Variants in METTL21C observed in about 807,000 individuals in gnomAD.
The protein encoded by METTL21C is methyltransferase 21C, AARS1 lysine.
Under a neutral mutation model 25.9 loss-of-function variants are expected in METTL21C, and 21 were observed. That is an observed-to-expected ratio of 0.81 (90% CI 0.58 to 1.17). The LOEUF is 1.17. Among genes scored for constraint, METTL21C ranks in the 50% most tolerant of loss-of-function variants. The pLI, the probability that METTL21C is intolerant of heterozygous loss-of-function variation, is 0.00. For synonymous variants in METTL21C, 125 were observed against 124.7 expected (o/e 1.00, Z -0.01); for missense variants, 312 against 315.1 (o/e 0.99, Z 0.07).
upstream of METTL21C, among the ~76,000 whole-genome samples, chr13:102,699,046 A>G (rs961988040): frequency 1.3e-5 from 2 of 152,154 alleles, no homozygotes; most frequent in Admixed American, 6.5e-5. Flanking sequence ...GTTCACCCCT[A>G]TAGTCAGGGC....
At chr13:102,696,741 T>G (rs868110908), upstream of METTL21C, among the ~76,000 whole-genome samples, 1 of 152,114 alleles carries the variant, frequency 6.6e-6, no homozygotes, top group South Asian at 2.1e-4. Context: ...CAATTCTTGT[T>G]TGCAGGTGTG....
chr13:102,686,530 T>G, intron 3 of METTL21C, 105 bp from the exon 4 acceptor site: 6 of 1,331,774 alleles, frequency 4.5e-6, no homozygotes, highest in Non-Finnish European at 6.1e-6. Context: ...GCCTTGGCTC[T>G]ATTGGTGGGT....
intron 1 of METTL21C, among the ~76,000 whole-genome samples, chr13:102,693,555 T>A (rs1213633818): frequency 6.6e-6 from 1 of 152,234 alleles, no homozygotes; most frequent in Non-Finnish European, 1.5e-5. Flanking sequence ...GAATGGCTCA[T>A]CATTTCACAG....
At chr13:102,689,424 G>A (rs561280785) in intron 2 of METTL21C, among the ~76,000 whole-genome samples, 39 of 152,318 alleles carry the variant, frequency 2.6e-4, no homozygotes, top group Middle Eastern at 3.4e-3. Context: ...AGTGAAGGTC[G>A]ACACCTAAGA....
chr13:102,687,021 C>T lies in METTL21C; in HGVS notation c.319G>A (p.Glu107Lys), dbSNP rs780425872. The T allele has an allele frequency of 4.9e-5, 79 of 1,613,960 alleles. No homozygotes were observed. In the Middle Eastern group the frequency reaches 3.3e-3, roughly 67 times the overall value. ...ALCQYLEEHAEELNFQDAKIL... is the reference protein window; with the variant it reads ...ALCQYLEEHAKELNFQDAKIL... The stretch of plus-strand genomic sequence containing the variant: ...TTTGCATCTTGGAAATTCAATTCCT[C>T]GGCATGTTCCTCCAAGTATTGACAC... The change falls in exon 3 of 4, where the codon GAG (glutamate) becomes AAG (lysine). Residue 107 changes from glutamate to lysine, a missense_variant. Transcript: ENST00000267273.
At chr13:102,701,889 G>T in the METTL21C span, among the ~76,000 whole-genome samples, 1 of 152,168 alleles carries the variant, frequency 6.6e-6, no homozygotes, top group African/African-American at 2.4e-5. Flanking sequence ...ACTTCGGCAG[G>T]GCCCAGTGGC....
At position 102,694,892 on chromosome 13, in the gene METTL21C, T is replaced by A. The variant is rs1172103976; in HGVS notation, c.-394A>T. ...CTCTCTTTCTCTCTCTCTCTCTCTC[T>A]CTCTCTCTCACACACACACACACAC... On this transcript the variant is annotated 5_prime_UTR_variant, in exon 1 of 4. Transcript: ENST00000267273. Among the ~76,000 whole-genome samples the A allele has an allele frequency of 6.8e-4, 97 of 142,464 alleles. No individual in the cohort carries two copies. Among genetic ancestry groups the A allele is most frequent in the African/African-American group, 2.4e-3 (91 of 37,850 alleles). The allele number at this position is 142,464 out of a possible 152,430, so 93.5% of individuals were successfully genotyped here.
the METTL21C span, among the ~76,000 whole-genome samples, chr13:102,700,462 TG>T: frequency 6.6e-6 from 1 of 152,214 alleles, no homozygotes; most frequent in Non-Finnish European, 1.5e-5. Context: ...TGCAACTATG[TG>T]TAAATCACAA....
In METTL21C at chr13:102,686,052, C is replaced by A; in HGVS notation, c.774G>T (p.Lys258Asn). The A allele has an allele frequency of 6.3e-7, 1 of 1,588,528 alleles. No homozygotes were observed. The highest frequency in any genetic ancestry group is 1.1e-5 in the South Asian group (1 of 87,346). ...GGATTTAGTCCCATTTTAGTATCCC[C>A]TTAAAAAGTTTGACTGATGACTCTG... ...EYPESSVKLF[K>N]GILKWD Residue 258 changes from lysine (K) to asparagine (N), a missense_variant, in exon 4 of 4, where the codon AAG becomes AAT. Lys to Asn is a moderately conservative substitution (Grantham distance 94). Transcript: ENST00000267273.
At chr13:102,697,435 A>C (rs1479215215), upstream of METTL21C, among the ~76,000 whole-genome samples, 1 of 152,098 alleles carries the variant, frequency 6.6e-6, no homozygotes, top group African/African-American at 2.4e-5. Context: ...ACAGCAAAGA[A>C]TTACCCAGCT....
At position 102,686,056 on chromosome 13, in the gene METTL21C, A is replaced by C. The variant is rs201672118; in HGVS notation, c.770T>G (p.Phe257Cys). The change falls in exon 4 of 4, where the codon TTT (phenylalanine) becomes TGT (cysteine). Residue 257 changes from phenylalanine (F) to cysteine (C), a missense_variant. Phe to Cys is a radical substitution (Grantham distance 205). Coordinates refer to ENST00000267273, the MANE Select transcript of METTL21C (RefSeq NM_001010977.3). The stretch of plus-strand genomic sequence containing the variant: ...TTAGTCCCATTTTAGTATCCCCTTA[A>C]AAAGTTTGACTGATGACTCTGGATA... Reference protein sequence around the residue: ...AEYPESSVKLFKGILKWD With the variant: ...AEYPESSVKLCKGILKWD The C allele has an allele frequency of 2.5e-6, 4 of 1,590,922 alleles. No individual in the cohort carries two copies. The East Asian group carries it at 6.7e-5, about 27-fold the overall frequency.
Position 102,690,895 on chromosome 13 carries a change from G to T in METTL21C, c.200C>A (p.Thr67Asn). The T allele has an allele frequency of 6.2e-7, 1 of 1,614,134 alleles. No individual in the cohort carries two copies. The highest frequency in any genetic ancestry group is 8.5e-7 in the Non-Finnish European group (1 of 1,180,004). The change falls in exon 2 of 4, where the codon ACT becomes AAT. Residue 67 changes from threonine (T) to asparagine (N), a missense_variant. Transcript: ENST00000267273. ...TCCTGCAAACCGATAATGCTCCTGA[G>T]TGTAGCTGGCGTAATCTGTAGGAAC... is the stretch of plus-strand genomic sequence containing the variant. ...KFVPTDYASYTQEHYRFAGKE... is the reference protein window; with the variant it reads ...KFVPTDYASYNQEHYRFAGKE...
upstream of METTL21C, among the ~76,000 whole-genome samples, chr13:102,697,083 C>T (rs979703479): frequency 6.6e-6 from 1 of 152,122 alleles, no homozygotes; most frequent in Non-Finnish European, 1.5e-5. Flanking sequence ...AACTTTCTAA[C>T]AAGTAGAACA....
upstream of METTL21C, among the ~76,000 whole-genome samples, chr13:102,698,239 A>G (rs1885977362): frequency 6.6e-6 from 1 of 152,148 alleles, no homozygotes; most frequent in South Asian, 2.1e-4. Flanking sequence ...TGGATCACTC[A>G]CCTAATCATA....
the METTL21C span, among the ~76,000 whole-genome samples, chr13:102,700,861 G>A: frequency 6.6e-6 from 1 of 151,896 alleles, no homozygotes; most frequent in South Asian, 2.1e-4. Context: ...GACACCCTAC[G>A]ACTCCCAGCC....
chr13:102,693,148 G>C (rs984246668), intron 1 of METTL21C, among the ~76,000 whole-genome samples: 1 of 151,976 alleles, frequency 6.6e-6, no homozygotes. Flanking sequence ...TGTTCCTACC[G>C]TACAGACACC....
At chr13:102,687,352 G>A (rs1885702669) in intron 2 of METTL21C, among the ~76,000 whole-genome samples, 1 of 152,186 alleles carries the variant, frequency 6.6e-6, no homozygotes, top group African/African-American at 2.4e-5. Flanking sequence ...GCAATGTTGG[G>A]CTAAAAGAAC....
chr13:102,694,411 T>C lies in METTL21C; in HGVS notation c.88A>G (p.Lys30Glu), dbSNP rs779523707. Residue 30 changes from lysine (K) to glutamate (E), a missense_variant, in exon 1 of 4, where the codon AAG becomes GAG. By Grantham distance (56) the Lys-to-Glu change is moderately conservative (BLOSUM62 1). Transcript: ENST00000267273. ...SPGGWLEAEK[K>E]GAPQKDSTGG... is the part of the protein sequence containing the mutation. Reference sequence around the variant, plus strand: ...GTGCTGTCTTTCTGCGGAGCCCCCTTCTTCTCAGCCTCTAACCAGCCACCC... The same window carrying C: ...GTGCTGTCTTTCTGCGGAGCCCCCTCCTTCTCAGCCTCTAACCAGCCACCC... The C allele has an allele frequency of 3.4e-6, 5 of 1,482,104 alleles. No individual in the cohort carries two copies. Among genetic ancestry groups the C allele is most frequent in the Non-Finnish European group, 3.6e-6 (4 of 1,123,504 alleles). The allele number at this position is 1,482,104 out of a possible 1,614,324, so 91.8% of individuals were successfully genotyped here.
the METTL21C span, among the ~76,000 whole-genome samples, chr13:102,701,967 C>T: frequency 6.6e-6 from 1 of 151,890 alleles, no homozygotes; most frequent in Non-Finnish European, 1.5e-5. Flanking sequence ...GAGTTTGAGA[C>T]CAGCCTAAAC....
Sources: gnomAD v4.1 joint callset for allele counts (sites outside exome capture counted in the v4.1 genomes callset) on GRCh38, gnomAD v4.1.1 for gene constraint, MANE v1.5 for transcripts, NCBI Gene and HGNC (gene_info 2026-07-23, HGNC 2026-07-21) for gene names.